The following RBFOX1 variants were observed in gnomAD, a reference collection of about 807,000 sequenced individuals.
RBFOX1 encodes the protein RNA binding protein fox-1 homolog 1.
In RBFOX1, 8 loss-of-function variants were observed where a neutral mutation model predicts 57.7. That is an observed-to-expected ratio of 0.14 (90% CI 0.08 to 0.25). The LOEUF is 0.25. RBFOX1 is among the 10% of genes least tolerant of loss of function. RBFOX1 has a pLI of 1.00. For synonymous variants in RBFOX1, 326 were observed against 222.4 expected (o/e 1.47, Z -4.15); for missense variants, 611 against 548.5 (o/e 1.11, Z -1.14).
chr16:7,565,254 G>C (rs1396095850), intron 5 of RBFOX1, among the ~76,000 whole-genome samples: 1 of 150,942 alleles, frequency 6.6e-6, no homozygotes, highest in African/African-American at 2.4e-5. Context: ...AGTTGATCTG[G>C]TATGCATGAT....
intron 3 of RBFOX1, among the ~76,000 whole-genome samples, chr16:5,708,507 T>G (rs11076955): frequency 6.6e-6 from 1 of 152,030 alleles, no homozygotes; most frequent in African/African-American, 2.4e-5. Context: ...TGGATCTGTG[T>G]CTTCCATCTC....
At chr16:5,893,853 G>A (rs992033698) in intron 4 of RBFOX1, among the ~76,000 whole-genome samples, 1 of 151,830 alleles carries the variant, frequency 6.6e-6, no homozygotes, top group Non-Finnish European at 1.5e-5. Flanking sequence ...CACCTGCTAT[G>A]TACCTACAAA....
At chr16:5,783,875 G>C (rs574299352) in intron 3 of RBFOX1, among the ~76,000 whole-genome samples, 13 of 152,308 alleles carry the variant, frequency 8.5e-5, no homozygotes, top group African/African-American at 3.1e-4. Flanking sequence ...TAATGGGATT[G>C]TTGTGGCTTT....
Position 6,009,839 on chromosome 16 carries a change from G to C in RBFOX1, c.351+142504G>C, listed in dbSNP as rs1228940233. Among the ~76,000 whole-genome samples the C allele has an allele frequency of 7.6e-5, 3 of 39,268 alleles. No homozygotes were observed. The East Asian group carries it at 5.4e-3, about 71-fold the overall frequency. The allele number at this position is 39,268 out of a possible 152,430, so 25.8% of individuals were successfully genotyped here. On this transcript the variant is annotated intron_variant, in intron 4 of 19. Transcript: ENST00000641259. ...GTCTGTGTGTGTGTGTGTGTGTATA[G>C]GGGGATTTGAAAATTCAGATTCCCA...
intron 6 of RBFOX1, among the ~76,000 whole-genome samples, chr16:7,583,797 A>G (rs1013909570): frequency 6.6e-6 from 1 of 151,884 alleles, no homozygotes; most frequent in Non-Finnish European, 1.5e-5. Flanking sequence ...CCTGCGCAAC[A>G]TAGGGAGACC....
intron 3 of RBFOX1, among the ~76,000 whole-genome samples, chr16:6,931,986 A>T (rs534117588): frequency 1.3e-5 from 2 of 152,150 alleles, no homozygotes; most frequent in Non-Finnish European, 2.9e-5. Context: ...CAAGATAACT[A>T]ACCCACTCCA....
chr16:7,610,371 CTGTT>C (rs971694861), intron 10 of RBFOX1, among the ~76,000 whole-genome samples: 3 of 151,402 alleles, frequency 2.0e-5, no homozygotes, highest in Admixed American at 1.3e-4. Flanking sequence ...TGCGCCCAGC[CTGTT>C]TATTTATTTT....
chr16:6,589,428 G>A (rs2097678875), intron 2 of RBFOX1, among the ~76,000 whole-genome samples: 1 of 152,214 alleles, frequency 6.6e-6, no homozygotes, highest in Non-Finnish European at 1.5e-5. Context: ...GAAAGTGGAA[G>A]TGCTGACTGG....
At chr16:7,082,138 G>T (rs1248804678) in intron 4 of RBFOX1, among the ~76,000 whole-genome samples, 1 of 152,100 alleles carries the variant, frequency 6.6e-6, no homozygotes, top group African/African-American at 2.4e-5. Context: ...CTAATTCCCT[G>T]TTATCTATCT....
chr16:6,620,609 G>C (rs1043040927), intron 2 of RBFOX1, among the ~76,000 whole-genome samples: 1 of 151,998 alleles, frequency 6.6e-6, no homozygotes, highest in Non-Finnish European at 1.5e-5. Flanking sequence ...CGATTAGCTA[G>C]ATGAATAAAG....
At chr16:7,270,325 C>G (rs1276133823) in intron 4 of RBFOX1, among the ~76,000 whole-genome samples, 3 of 152,100 alleles carry the variant, frequency 2.0e-5, no homozygotes. Flanking sequence ...TTATGAAAAA[C>G]CAAACAGAAT....
chr16:7,314,522 G>A (rs8046401), intron 4 of RBFOX1, among the ~76,000 whole-genome samples: 132,179 of 152,220 alleles, frequency 0.87, 57,528 homozygotes, highest in East Asian at 1. Context: ...TTGCCTTTCT[G>A]TAAAGAATGA....
intron 3 of RBFOX1, among the ~76,000 whole-genome samples, chr16:6,772,497 C>G (rs373711342): frequency 1.4e-5 from 2 of 141,334 alleles, no homozygotes; most frequent in Non-Finnish European, 3.1e-5. Context: ...GTATGGGGTG[C>G]GTTTGTGTTT....
At chr16:7,080,404 G>T (rs1048893481) in intron 4 of RBFOX1, among the ~76,000 whole-genome samples, 3 of 152,106 alleles carry the variant, frequency 2.0e-5, no homozygotes, top group Admixed American at 2.0e-4. Context: ...TATCCTGGCA[G>T]AACGGTCTTC....
chr16:7,522,271 G>A (rs894154721), intron 5 of RBFOX1, among the ~76,000 whole-genome samples: 1 of 152,184 alleles, frequency 6.6e-6, no homozygotes, highest in African/African-American at 2.4e-5. Flanking sequence ...CAAGAGTAGG[G>A]AGTGAAGAGA....
intron 2 of RBFOX1, among the ~76,000 whole-genome samples, chr16:6,644,721 G>C (rs1034639782): frequency 6.6e-6 from 1 of 152,102 alleles, no homozygotes; most frequent in Non-Finnish European, 1.5e-5. Flanking sequence ...GGTTTTCAGG[G>C]GCTGTATTGT....
intron 3 of RBFOX1, among the ~76,000 whole-genome samples, chr16:5,660,767 T>G (rs1220099393): frequency 2.0e-5 from 3 of 152,142 alleles, no homozygotes; most frequent in Non-Finnish European, 4.4e-5. Context: ...ATGCCTGCTA[T>G]GCCGGAGAGG....
chr16:5,767,055 A>G (rs1369372231), intron 3 of RBFOX1, among the ~76,000 whole-genome samples: 3 of 152,184 alleles, frequency 2.0e-5, no homozygotes, highest in African/African-American at 7.2e-5. Flanking sequence ...TGTCTCAGTC[A>G]GTTGTATAAG....
intron 3 of RBFOX1, among the ~76,000 whole-genome samples, chr16:5,780,740 G>A (rs997992825): frequency 4.6e-5 from 7 of 152,182 alleles, no homozygotes; most frequent in African/African-American, 1.7e-4. Flanking sequence ...AGTCACTTGA[G>A]TACAAGATGT....
Sources: allele counts gnomAD v4.1 joint callset (sites outside exome capture counted in the v4.1 genomes callset), GRCh38; gene constraint gnomAD v4.1.1; transcripts MANE v1.5; gene names NCBI Gene and HGNC (gene_info 2026-07-23, HGNC 2026-07-21).